The following FRAS1 variants were observed in gnomAD, a reference collection of about 807,000 sequenced individuals.
FRAS1 encodes the protein Fraser extracellular matrix complex subunit 1.
In FRAS1, 290 loss-of-function variants were observed where a neutral mutation model predicts 435.2. The observed-to-expected ratio is 0.67, with a 90% CI of 0.61 to 0.73. The LOEUF is 0.73. Ranked by LOEUF, FRAS1 falls within the 30% of genes least tolerant of loss-of-function variation. The probability of loss-of-function intolerance (pLI) is 0.00; values close to 1 mark genes in which losing one functional copy is unlikely to be tolerated. For synonymous variants in FRAS1, 1,800 were observed against 1,851.0 expected, an observed-to-expected ratio of 0.97 and a Z score of 0.71; for missense variants, 4,860 against 5,001.5, an observed-to-expected ratio of 0.97 and a Z score of 0.85.
chr4:78,489,143 A>C, intron 59 of FRAS1, 63 bp downstream of exon 59: 1 of 1,485,414 alleles, frequency 6.7e-7, no homozygotes, highest in East Asian at 2.3e-5. Context: ...GTCTGTAATG[A>C]AGTCATTTAT....
At chr4:78,084,315 A>G (rs1384690518) in intron 2 of FRAS1, among the ~76,000 whole-genome samples, 1 of 152,112 alleles carries the variant, frequency 6.6e-6, no homozygotes, top group East Asian at 1.9e-4. Flanking sequence ...AAATGAATGT[A>G]TAGAAAAAAC....
At chr4:78,222,794 C>G (rs1405591215) in intron 2 of FRAS1, among the ~76,000 whole-genome samples, 1 of 152,184 alleles carries the variant, frequency 6.6e-6, no homozygotes, top group African/African-American at 2.4e-5. Flanking sequence ...AGAGGCCTTT[C>G]AACTTCCGCT....
At chr4:78,096,744 T>C (rs1741830309) in intron 2 of FRAS1, among the ~76,000 whole-genome samples, 1 of 152,196 alleles carries the variant, frequency 6.6e-6, no homozygotes, top group South Asian at 2.1e-4. Flanking sequence ...ACACAGCAAG[T>C]GGACCCTGGG....
chr4:78,224,470 A>T (rs1466210009), intron 2 of FRAS1, among the ~76,000 whole-genome samples: 1 of 152,218 alleles, frequency 6.6e-6, no homozygotes, highest in African/African-American at 2.4e-5. Context: ...AATAATATAC[A>T]TGTGTATATA....
intron 2 of FRAS1, among the ~76,000 whole-genome samples, chr4:78,125,527 C>T (rs1247304768): frequency 6.6e-6 from 1 of 152,154 alleles, no homozygotes; most frequent in Non-Finnish European, 1.5e-5. Flanking sequence ...GAGCTGAGTT[C>T]AAGTCCTGGA....
intron 33 of FRAS1, among the ~76,000 whole-genome samples, chr4:78,421,096 G>A (rs1364734057): frequency 4.6e-5 from 7 of 151,382 alleles, no homozygotes; most frequent in Non-Finnish European, 8.8e-5. Flanking sequence ...TAGGCTAGGA[G>A]GCTAAGCCAG....
At chr4:78,066,407 A>C (rs1351006710) in intron 2 of FRAS1, among the ~76,000 whole-genome samples, 1 of 152,214 alleles carries the variant, frequency 6.6e-6, no homozygotes, top group Non-Finnish European at 1.5e-5. Context: ...TATGATTATT[A>C]AATTAAGTAG....
intron 70 of FRAS1, among the ~76,000 whole-genome samples, chr4:78,528,499 A>G (rs1303237761): frequency 1.3e-5 from 2 of 152,128 alleles, no homozygotes; most frequent in Non-Finnish European, 2.9e-5. Context: ...AGAGTGTTTT[A>G]TAAATGACAT....
chr4:78,204,614 T>C (rs1051247924), intron 2 of FRAS1, among the ~76,000 whole-genome samples: 3 of 152,240 alleles, frequency 2.0e-5, no homozygotes, highest in African/African-American at 7.2e-5. Context: ...ATCATTATCA[T>C]GAAGCTTTAT....
intron 70 of FRAS1, among the ~76,000 whole-genome samples, chr4:78,529,339 T>C (rs1389236229): frequency 6.6e-6 from 1 of 152,164 alleles, no homozygotes; most frequent in Admixed American, 6.5e-5. Context: ...TTAAAAATTA[T>C]GTAATATTTC....
Position 78,489,085 on chromosome 4 carries a change from G to A in FRAS1, c.8958+5G>A. 6.2e-7 allele frequency: 1 copy of A among 1,607,414 alleles called. No individual in the cohort carries two copies. The highest frequency in any genetic ancestry group is 8.5e-7 in the Non-Finnish European group (1 of 1,176,652). The stretch of plus-strand genomic sequence containing the variant: ...ACATTTCTCAAAGGGGACAAAGTAA[G>A]TGGATTGGTGGTGGCTGAAAGATGA... On this transcript the variant is annotated splice_donor_5th_base_variant and intron_variant, in intron 59 of 73. Transcript: ENST00000512123.
intron 43 of FRAS1, 95 bp downstream of exon 43, chr4:78,446,975 T>G: frequency 8.3e-7 from 1 of 1,206,358 alleles, no homozygotes; most frequent in Non-Finnish European, 1.2e-6. Flanking sequence ...TTTCTTTTCT[T>G]GTATATGGTA....
intron 14 of FRAS1, among the ~76,000 whole-genome samples, chr4:78,307,369 C>T (rs1261667583): frequency 4.6e-5 from 7 of 152,352 alleles, no homozygotes; most frequent in African/African-American, 1.7e-4. Flanking sequence ...AGGCAGGCCT[C>T]CTTGAACTGT....
intron 18 of FRAS1, among the ~76,000 whole-genome samples, chr4:78,326,518 A>G (rs1354084634): frequency 6.6e-6 from 1 of 152,188 alleles, no homozygotes; most frequent in Non-Finnish European, 1.5e-5. Context: ...TTAAGTGCAT[A>G]TAGGATGAGC....
intron 2 of FRAS1, among the ~76,000 whole-genome samples, chr4:78,225,542 T>G (rs901981291): frequency 1.2e-4 from 18 of 152,346 alleles, no homozygotes; most frequent in African/African-American, 3.8e-4. Context: ...CTTTGTTCCC[T>G]AATTGTTTCA....
chr4:78,185,001 TGTCATAGGCCTAGTAAGTGGTGCCCTTGG>T (rs1283405779), intron 2 of FRAS1, among the ~76,000 whole-genome samples: 9 of 152,304 alleles, frequency 5.9e-5, no homozygotes, highest in East Asian at 1.9e-4. Flanking sequence ...AGCAAACAGA[TGTCATAGGCCTAGTAAGTGGTGCCCTTGG>T]GTCATAGGCC....
At chr4:78,311,666 G>A (rs1040561983) in intron 15 of FRAS1, among the ~76,000 whole-genome samples, 1 of 152,226 alleles carries the variant, frequency 6.6e-6, no homozygotes, top group Non-Finnish European at 1.5e-5. Context: ...CAGAATGGCT[G>A]TGCAATCTAT....
At chr4:78,130,205 G>A (rs930686078) in intron 2 of FRAS1, among the ~76,000 whole-genome samples, 4 of 151,972 alleles carry the variant, frequency 2.6e-5, no homozygotes, top group South Asian at 2.1e-4. Context: ...CATACCTTCC[G>A]GTTTTAAGCT....
intron 2 of FRAS1, among the ~76,000 whole-genome samples, chr4:78,223,454 A>G (rs998225053): frequency 1.3e-5 from 2 of 152,220 alleles, no homozygotes; most frequent in Non-Finnish European, 2.9e-5. Flanking sequence ...TAAAATGTCA[A>G]TGATTAGTTT....
Sources: allele counts gnomAD v4.1 joint callset (sites outside exome capture counted in the v4.1 genomes callset), GRCh38; gene constraint gnomAD v4.1.1; transcripts MANE v1.5; gene names NCBI Gene and HGNC (gene_info 2026-07-23, HGNC 2026-07-21).